The following CHD6 variants were observed in gnomAD, a reference collection of about 807,000 sequenced individuals.
CHD6 encodes chromodomain helicase DNA binding protein 6, also known as ATP-dependent chromatin remodeler CHD6.
A neutral mutation model predicts 276.9 loss-of-function variants in CHD6; 50 were observed. That is an observed-to-expected ratio of 0.18 (90% CI 0.14 to 0.23). The LOEUF (loss-of-function observed/expected upper bound fraction) is 0.23, where lower values mean the gene tolerates loss of function less well. CHD6 is among the 10% of genes least tolerant of loss of function. CHD6 has a pLI of 1.00. For missense variants in CHD6, 2,564 were observed against 3,365.8 expected (o/e 0.76, Z 5.89); for synonymous variants, 1,173 against 1,229.3 (o/e 0.95, Z 0.96).
chr20:41,538,387 A>C (rs747223773), intron 2 of CHD6, among the ~76,000 whole-genome samples: 1 of 152,152 alleles, frequency 6.6e-6, no homozygotes, highest in African/African-American at 2.4e-5. Flanking sequence ...AAAGGAGTGA[A>C]GTACTGAAAC....
chr20:41,529,007 C>T (rs1365488170), intron 3 of CHD6, among the ~76,000 whole-genome samples: 1 of 152,136 alleles, frequency 6.6e-6, no homozygotes, highest in Non-Finnish European at 1.5e-5. Context: ...GAAATCTCCC[C>T]ACGTCCATTT....
chr20:41,440,429 T>A (rs1307623520), intron 25 of CHD6, among the ~76,000 whole-genome samples: 1 of 152,202 alleles, frequency 6.6e-6, no homozygotes, highest in African/African-American at 2.4e-5. Flanking sequence ...GTTTTGCAAC[T>A]TCTTCCCCCA....
At chr20:41,571,579 C>T (rs1218560267) in intron 1 of CHD6, among the ~76,000 whole-genome samples, 5 of 151,446 alleles carry the variant, frequency 3.3e-5, no homozygotes, top group Admixed American at 6.6e-5. Context: ...TTAGTAGAAA[C>T]GGGTTTCATC....
chr20:41,593,527 T>C (rs985779968), intron 1 of CHD6, among the ~76,000 whole-genome samples: 1 of 152,220 alleles, frequency 6.6e-6, no homozygotes, highest in Non-Finnish European at 1.5e-5. Flanking sequence ...ATTGCAGCTC[T>C]TCTAGCCTGT....
At chr20:41,610,558 G>A (rs1354889358) in intron 1 of CHD6, among the ~76,000 whole-genome samples, 5 of 152,054 alleles carry the variant, frequency 3.3e-5, no homozygotes, top group South Asian at 2.1e-4. Context: ...TCAGGAGATC[G>A]AGACCATCCT....
chr20:41,426,308 C>G (rs1211718269), intron 27 of CHD6, among the ~76,000 whole-genome samples, 155 bp from the exon 28 acceptor site: 1 of 152,122 alleles, frequency 6.6e-6, no homozygotes, highest in Non-Finnish European at 1.5e-5. Context: ...AAGCTTACTT[C>G]TGTACAATCT....
chr20:41,605,856 C>T (rs1279665356), intron 1 of CHD6, among the ~76,000 whole-genome samples: 1 of 152,114 alleles, frequency 6.6e-6, no homozygotes, highest in Non-Finnish European at 1.5e-5. Flanking sequence ...ATCCAAAGTA[C>T]TCAAGTATGA....
chr20:41,444,675 A>T (rs904470932), intron 25 of CHD6, among the ~76,000 whole-genome samples: 1 of 152,188 alleles, frequency 6.6e-6, no homozygotes, highest in African/African-American at 2.4e-5. Context: ...ACAACCTTCC[A>T]AAGGCAGAGT....
At chr20:41,597,971 G>A (rs747326410) in intron 1 of CHD6, among the ~76,000 whole-genome samples, 6 of 152,148 alleles carry the variant, frequency 3.9e-5, no homozygotes, top group Middle Eastern at 3.4e-3. Context: ...TGGGAATCCC[G>A]TCCTCTGCAA....
intron 17 of CHD6, among the ~76,000 whole-genome samples, chr20:41,466,682 T>C (rs2042927739): frequency 6.6e-6 from 1 of 152,166 alleles, no homozygotes; most frequent in East Asian, 1.9e-4. Context: ...GTGTTGAGGG[T>C]AAATTACAAG....
At chr20:41,493,793 A>T (rs2043613448) in intron 9 of CHD6, 65 bp downstream of exon 9, 1 of 1,570,782 alleles carries the variant, frequency 6.4e-7, no homozygotes, top group Non-Finnish European at 8.8e-7. Context: ...GACAAGGGTC[A>T]CATGTTAAAA....
intron 1 of CHD6, among the ~76,000 whole-genome samples, chr20:41,596,190 C>A (rs190898745): frequency 7.2e-5 from 11 of 152,264 alleles, no homozygotes; most frequent in Admixed American, 6.5e-4. Flanking sequence ...TAGAACAATG[C>A]CACAGGGACA....
chr20:41,572,500 C>A (rs2045428847), intron 1 of CHD6, among the ~76,000 whole-genome samples: 1 of 152,186 alleles, frequency 6.6e-6, no homozygotes, highest in Admixed American at 6.5e-5. Context: ...TTGTTTCCTG[C>A]AGCCCTCCTA....
intron 2 of CHD6, chr20:41,547,837 C>T: frequency 2.3e-6 from 1 of 443,766 alleles, no homozygotes. Flanking sequence ...GACTACTGCC[C>T]AGTCTGTGTC....
chr20:41,420,710 G>C lies in CHD6; in HGVS notation c.5925C>G (p.Ile1975Met), dbSNP rs113638490. ...TAGCAGTGGGTTCACCCTCCATGGC[G>C]ATAGTATTGGTTTTACTTTTGAACA... ...PDLFKSKTNT[I>M]AMEGEPTAIP... The change falls in exon 31 of 37, where the codon ATC (isoleucine) becomes ATG (methionine). Residue 1975 changes from isoleucine to methionine, a missense_variant. By Grantham distance (10) the Ile-to-Met change is conservative (BLOSUM62 1). Coordinates refer to ENST00000373233, the MANE Select transcript of CHD6 (RefSeq NM_032221.5). 2.5e-6 allele frequency: 4 copies of C among 1,614,196 alleles called. No individual in the cohort carries two copies. Among genetic ancestry groups the C allele is most frequent in the Non-Finnish European group, 3.4e-6 (4 of 1,180,022 alleles).
intron 1 of CHD6, among the ~76,000 whole-genome samples, chr20:41,578,722 A>G (rs1371305145): frequency 6.6e-6 from 1 of 150,986 alleles, no homozygotes; most frequent in Non-Finnish European, 1.5e-5. Flanking sequence ...AAAGAAAGAA[A>G]TTTTCTATAA....
chr20:41,414,697 G>T, intron 34 of CHD6: 1 of 325,778 alleles, frequency 3.1e-6, no homozygotes. Context: ...CGTGGTAGAT[G>T]CTGTTGCCCC....
intron 1 of CHD6, among the ~76,000 whole-genome samples, chr20:41,562,005 T>G (rs1203527651): frequency 1.3e-5 from 2 of 152,322 alleles, no homozygotes; most frequent in Middle Eastern, 3.4e-3. Context: ...GTATTATTTC[T>G]TCATAATTCC....
intron 5 of CHD6, among the ~76,000 whole-genome samples, chr20:41,499,781 A>T (rs931127705): frequency 3.3e-5 from 5 of 152,194 alleles, no homozygotes; most frequent in African/African-American, 1.2e-4. Flanking sequence ...CTAGTCTCCA[A>T]ATATATTAAA....
Sources: gnomAD v4.1 joint callset for allele counts (sites outside exome capture counted in the v4.1 genomes callset) on GRCh38, gnomAD v4.1.1 for gene constraint, MANE v1.5 for transcripts, NCBI Gene and HGNC (gene_info 2026-07-23, HGNC 2026-07-21) for gene names.